NBAS: variants seen among roughly 807,000 people sequenced by gnomAD.
The protein encoded by NBAS is NBAS subunit of NRZ tethering complex.
In NBAS, 219 loss-of-function variants were observed where a neutral mutation model predicts 302.5. That is an observed-to-expected ratio of 0.72 (90% CI 0.65 to 0.81). NBAS has a LOEUF of 0.81. Among genes scored for constraint, NBAS ranks in the 30% least tolerant of loss-of-function variants. NBAS has a pLI of 0.00. For missense variants in NBAS, 2,932 were observed against 2,841.6 expected (o/e 1.03, Z -0.72); for synonymous variants, 1,118 against 1,021.6 (o/e 1.09, Z -1.80).
the NBAS span, among the ~76,000 whole-genome samples, chr2:14,844,299 T>C: frequency 6.6e-6 from 1 of 152,074 alleles, no homozygotes; most frequent in Non-Finnish European, 1.5e-5. Context: ...AGACACACCC[T>C]GGGCCAGAAG....
rs1187887919 is a variant in NBAS at position 15,410,848 on chromosome 2, CCAATATAGCAAAGGTTGTCCAAGA to C, written c.2937+4674_2937+4697del. ...TCTGGAAGTTTCCATGGATTTCTAGCCAATATAGCAAAGGTTGTCCAAGACTTCATCCCAGTTCTGCTAGAAGTA... is the reference window on the plus strand; with the variant it reads ...TCTGGAAGTTTCCATGGATTTCTAGCCTTCATCCCAGTTCTGCTAGAAGTA... On this transcript the variant is annotated intron_variant, in intron 25 of 51. Transcript: ENST00000281513. 7.2e-5 allele frequency among the ~76,000 whole-genome samples: 11 copies of C among 152,228 alleles called. 1 individual carries two copies. In the South Asian group the frequency reaches 1.5e-3, roughly 20 times the overall value.
intron 41 of NBAS, among the ~76,000 whole-genome samples, chr2:15,291,260 A>G (rs535512172): frequency 2.0e-5 from 3 of 152,202 alleles, no homozygotes; most frequent in Non-Finnish European, 4.4e-5. Context: ...CCATCTATGG[A>G]ACTTAGGCAG....
the NBAS span, among the ~76,000 whole-genome samples, chr2:14,972,457 T>C: frequency 2.2e-3 from 338 of 152,108 alleles, no homozygotes; most frequent in African/African-American, 7.9e-3. Flanking sequence ...AGAATGTCAA[T>C]CAACGTTTGT....
At chr2:14,845,907 AG>A in the NBAS span, among the ~76,000 whole-genome samples, 33 of 150,516 alleles carry the variant, frequency 2.2e-4, no homozygotes, top group Admixed American at 5.9e-4. Context: ...CAAGCCTACA[AG>A]ATTGAAAAAA....
intron 44 of NBAS, among the ~76,000 whole-genome samples, chr2:15,254,738 C>G (rs1473122854): frequency 6.6e-6 from 1 of 152,150 alleles, no homozygotes; most frequent in Non-Finnish European, 1.5e-5. Flanking sequence ...TTATGTCATT[C>G]TTATGTCTCC....
intron 27 of NBAS, among the ~76,000 whole-genome samples, chr2:15,395,948 T>C (rs1330851591): frequency 6.6e-6 from 1 of 152,128 alleles, no homozygotes; most frequent in Non-Finnish European, 1.5e-5. Flanking sequence ...TCTAATGCAG[T>C]TTGACATAAT....
the NBAS span, among the ~76,000 whole-genome samples, chr2:15,077,396 C>T: frequency 6.0e-4 from 91 of 152,230 alleles, no homozygotes; most frequent in East Asian, 0.011. Context: ...CCTGATATTC[C>T]ACTCATATAC....
intron 11 of NBAS, among the ~76,000 whole-genome samples, chr2:15,495,030 A>G (rs904974313): frequency 2.0e-4 from 30 of 152,292 alleles, no homozygotes; most frequent in Middle Eastern, 3.4e-3. Flanking sequence ...ACAATAGGCA[A>G]TTTCTTCAAT....
At chr2:15,039,242 A>C in the NBAS span, among the ~76,000 whole-genome samples, 1 of 152,214 alleles carries the variant, frequency 6.6e-6, no homozygotes. Flanking sequence ...AGCCAAGTAC[A>C]AAGCTATTGG....
At chr2:15,482,272 G>T (rs1313213715) in intron 12 of NBAS, among the ~76,000 whole-genome samples, 10 of 151,974 alleles carry the variant, frequency 6.6e-5, no homozygotes, top group African/African-American at 2.4e-4. Context: ...CTGGGAATAT[G>T]GGCACACGCC....
At chr2:14,810,119 G>GT in the NBAS span, among the ~76,000 whole-genome samples, 64 of 152,328 alleles carry the variant, frequency 4.2e-4, no homozygotes, top group Admixed American at 2.0e-3. Flanking sequence ...GATTTGCCTT[G>GT]TGTTAGATGA....
In NBAS at chr2:15,296,966, C is replaced by G. The variant is rs143916742; in HGVS notation, c.4798-4200G>C. ...ACTTACTACATACAAATTATCTATT[C>G]CTCTGTGAATCATTTTTATTTCATA... On this transcript the variant is annotated intron_variant, in intron 40 of 51. Transcript: ENST00000281513. 1.5e-3 allele frequency among the ~76,000 whole-genome samples: 232 copies of G among 152,322 alleles called. 2 individuals are homozygous for G. Among genetic ancestry groups the G allele is most frequent in the African/African-American group, 5.0e-3 (209 of 41,574 alleles).
At chr2:14,978,546 G>A in the NBAS span, among the ~76,000 whole-genome samples, 1 of 152,144 alleles carries the variant, frequency 6.6e-6, no homozygotes, top group African/African-American at 2.4e-5. Context: ...AAAATCAATA[G>A]AATTCTGGCT....
chr2:14,870,835 AAACAAAG>A, the NBAS span, among the ~76,000 whole-genome samples: 1 of 152,192 alleles, frequency 6.6e-6, no homozygotes, highest in Non-Finnish European at 1.5e-5. Flanking sequence ...AGAAGTTTGT[AAACAAAG>A]ATATTAAAGT....
the NBAS span, among the ~76,000 whole-genome samples, chr2:15,084,669 C>T: frequency 4.1e-5 from 6 of 148,148 alleles, no homozygotes; most frequent in African/African-American, 1.3e-4. Flanking sequence ...CACACTCTCA[C>T]ACACCATATC....
the NBAS span, among the ~76,000 whole-genome samples, chr2:14,814,165 C>A: frequency 2.0e-5 from 3 of 152,242 alleles, no homozygotes; most frequent in Non-Finnish European, 4.4e-5. Context: ...CATGGAGAAC[C>A]TCTACCAGAT....
Position 15,520,354 on chromosome 2 carries a change from A to G in NBAS, c.747-9004T>C, listed in dbSNP as rs747819331. On this transcript the variant is annotated intron_variant, in intron 9 of 51. Transcript: ENST00000281513. ...GAGGTAGAAGCTACAGCAAGCCAAG[A>G]TCACATACATCACTGCACTCAAATA... Among the ~76,000 whole-genome samples the G allele has an allele frequency of 3.4e-4, 52 of 152,174 alleles. 1 individual carries two copies. The highest frequency in any genetic ancestry group is 4.1e-4 in the South Asian group (2 of 4,826).
chr2:14,852,880 TG>T, the NBAS span, among the ~76,000 whole-genome samples: 1 of 128,428 alleles, frequency 7.8e-6, no homozygotes, highest in Non-Finnish European at 1.6e-5. Context: ...TGTAGAAAGC[TG>T]AAACTGGATC....
At chr2:15,110,340 C>G in the NBAS span, among the ~76,000 whole-genome samples, 1 of 152,090 alleles carries the variant, frequency 6.6e-6, no homozygotes, top group African/African-American at 2.4e-5. Flanking sequence ...TTCTGTGGAC[C>G]AGATGCACAA....
Sources: gnomAD v4.1 joint callset for allele counts (sites outside exome capture counted in the v4.1 genomes callset) on GRCh38, gnomAD v4.1.1 for gene constraint, MANE v1.5 for transcripts, NCBI Gene and HGNC (gene_info 2026-07-23, HGNC 2026-07-21) for gene names.